Variants in STX16 observed in about 807,000 individuals in gnomAD.
The protein encoded by STX16 is syntaxin 16.
Under a neutral mutation model 42.7 loss-of-function variants are expected in STX16, and 28 were observed. The ratio of observed to expected loss-of-function variants is 0.66; its 90% CI spans 0.49 to 0.90. The LOEUF (loss-of-function observed/expected upper bound fraction) is 0.90, where lower values mean the gene tolerates loss of function less well. Ranked by LOEUF, STX16 falls within the 40% of genes least tolerant of loss-of-function variation. The pLI is 0.00. For synonymous variants in STX16, 156 were observed against 155.2 expected (o/e 1.00, Z -0.04); for missense variants, 361 against 420.9 (o/e 0.86, Z 1.24).
At chr20:58,663,118 A>G (rs1221048097) in intron 2 of STX16, among the ~76,000 whole-genome samples, 1 of 152,186 alleles carries the variant, frequency 6.6e-6, no homozygotes, top group Non-Finnish European at 1.5e-5. Context: ...GTTCATTGCC[A>G]TAGACAGTCC....
intron 2 of STX16, among the ~76,000 whole-genome samples, chr20:58,664,404 T>C (rs1376123967): frequency 6.6e-6 from 1 of 152,234 alleles, no homozygotes; most frequent in Non-Finnish European, 1.5e-5. Context: ...ATAGACTGTA[T>C]CATAAAAGAG....
At chr20:58,664,643 A>G (rs1462336054) in intron 2 of STX16, among the ~76,000 whole-genome samples, 2 of 152,176 alleles carry the variant, frequency 1.3e-5, no homozygotes, top group African/African-American at 2.4e-5. Context: ...CATGCATAAA[A>G]TCAAGTACTG....
chr20:58,669,908 C>G (rs756417237), intron 5 of STX16, among the ~76,000 whole-genome samples: 1 of 152,232 alleles, frequency 6.6e-6, no homozygotes, highest in Admixed American at 6.5e-5. Flanking sequence ...AACACTTCCT[C>G]TGCTGGCACC....
chr20:58,663,921 GC>G (rs1568819761), intron 2 of STX16, among the ~76,000 whole-genome samples: 1 of 152,046 alleles, frequency 6.6e-6, no homozygotes, highest in African/African-American at 2.4e-5. Flanking sequence ...CAGGCAATCC[GC>G]CTGCCTCAGC....
At chr20:58,674,603 C>G (rs910078927) in intron 8 of STX16, among the ~76,000 whole-genome samples, 1 of 152,150 alleles carries the variant, frequency 6.6e-6, no homozygotes, top group African/African-American at 2.4e-5. Flanking sequence ...AAAGTCAGCC[C>G]TTGCACTAGT....
At chr20:58,666,832 T>C (rs369107597) in intron 2 of STX16, among the ~76,000 whole-genome samples, 1 of 152,330 alleles carries the variant, frequency 6.6e-6, no homozygotes, top group Admixed American at 6.5e-5. Flanking sequence ...ATGTTCCCTG[T>C]GGACATTTAA....
chr20:58,660,961 C>T (rs978482973), intron 2 of STX16, among the ~76,000 whole-genome samples: 14 of 151,360 alleles, frequency 9.2e-5, no homozygotes, highest in Non-Finnish European at 2.1e-4. Context: ...CACCACTCAA[C>T]GGGTAGCTGA....
At chr20:58,659,777 A>G (rs2083657064) in intron 2 of STX16, 143 bp downstream of exon 2, 2 of 828,908 alleles carry the variant, frequency 2.4e-6, no homozygotes, top group Non-Finnish European at 3.7e-6. Flanking sequence ...AATTTTTTTA[A>G]CAGTTTAATA....
intron 7 of STX16, among the ~76,000 whole-genome samples, chr20:58,671,863 A>G (rs1053044554): frequency 1.3e-5 from 2 of 152,174 alleles, no homozygotes; most frequent in Non-Finnish European, 2.9e-5. Flanking sequence ...TTGAGTGCCA[A>G]TATGACACTC....
rs114786310 is a variant in STX16, at chr20:58,670,524, G to A, written c.569G>A (p.Arg190Gln). Residue 190 changes from arginine to glutamine, a missense_variant, in exon 6 of 9, where the codon CGA becomes CAA. Arg to Gln is a conservative substitution (Grantham distance 43). Coordinates refer to ENST00000371141, the MANE Select transcript of STX16 (RefSeq NM_001001433.3). Reference sequence around the variant, plus strand: ...CTATCTGTGATAGGCATGAAGAATCGAGAGGAAAGATCCCAGCATTTTTTC... The same window carrying A: ...CTATCTGTGATAGGCATGAAGAATCAAGAGGAAAGATCCCAGCATTTTTTC... ...QSGYLKRMKNREERSQHFFDT... is the reference protein window; with the variant it reads ...QSGYLKRMKNQEERSQHFFDT... The A allele has an allele frequency of 2.5e-3, 4,087 of 1,613,754 alleles. 104 individuals are homozygous for A. The African/African-American group carries it at 0.047, about 19-fold the overall frequency.
chr20:58,675,331 T>C (rs1568831616), intron 8 of STX16, among the ~76,000 whole-genome samples: 1 of 152,222 alleles, frequency 6.6e-6, no homozygotes, highest in East Asian at 1.9e-4. Flanking sequence ...TCCTGTGCCA[T>C]AGCAAGGTCT....
At position 58,669,437 on chromosome 20, in the gene STX16, G is replaced by C. The variant is rs2296524; in HGVS notation, c.540G>C (p.Gln180His). Residue 180 changes from glutamine to histidine, a missense_variant, in exon 5 of 9, where the codon CAG (glutamine) becomes CAC (histidine). Transcript: ENST00000371141. ...QELSTSFRHA[Q>H]SGYLKRMKNR... ...TCTCCACCAGCTTCCGGCACGCACA[G>C]TCAGGCTACCTCAAACGTGAGTGCT... 12 of 1,609,764 alleles carry C rather than the reference G, an allele frequency of 7.5e-6. No individual in the cohort carries two copies. Among genetic ancestry groups the C allele is most frequent in the Non-Finnish European group, 1.0e-5 (12 of 1,178,670 alleles).
At position 58,651,886 on chromosome 20, in the gene STX16, A is replaced by T; in HGVS notation, c.-121A>T. ...CTGCATCTTTTTGGCTTGAGGCCTG[A>T]GGCCTTGTCGAGAAGCTTCCGTGAA... On this transcript the variant is annotated 5_prime_UTR_variant, in exon 1 of 9. Transcript: ENST00000371141. The T allele has an allele frequency of 9.2e-7, 1 of 1,086,074 alleles. No individual in the cohort carries two copies. Among genetic ancestry groups the T allele is most frequent in the Non-Finnish European group, 1.4e-6 (1 of 737,890 alleles). The allele number at this position is 1,086,074 out of a possible 1,614,324, so 67.3% of individuals were successfully genotyped here. A position where few individuals can be genotyped will look rare whatever the true frequency, so the allele number is the denominator to read the frequency against.
intron 1 of STX16, among the ~76,000 whole-genome samples, chr20:58,654,334 AAC>A (rs1398115614): frequency 2.0e-5 from 3 of 152,218 alleles, no homozygotes; most frequent in Non-Finnish European, 2.9e-5. Flanking sequence ...TTAAAAATAA[AAC>A]ACAGATTTAT....
chr20:58,661,733 G>A (rs999674637), intron 2 of STX16, among the ~76,000 whole-genome samples: 2 of 152,248 alleles, frequency 1.3e-5, no homozygotes, highest in African/African-American at 4.8e-5. Context: ...GGAGCAGGGG[G>A]TGTGGTTGGG....
chr20:58,667,870 C>A, intron 3 of STX16, 117 bp from the exon 4 acceptor site: 2 of 1,355,070 alleles, frequency 1.5e-6, no homozygotes, highest in Non-Finnish European at 2.0e-6. Context: ...AAGCTGCTCA[C>A]ACATCAGCAA....
Position 58,669,296 on chromosome 20 carries a change from C to T in STX16, c.399C>T (p.Phe133=), listed in dbSNP as rs1329972134. 1 of 1,610,742 alleles carries T rather than the reference C, an allele frequency of 6.2e-7. No individual in the cohort carries two copies. The highest frequency in any genetic ancestry group is 1.1e-5 in the South Asian group (1 of 90,988). ...EITTQEITQL[F]HRCQRAVQAL... ...CCTCGGGCTTGTTCTCTTAGCTCTT[C>T]CACAGGTGCCAGCGTGCCGTGCAGG... The change falls in exon 5 of 9, where the codon TTC becomes TTT. Residue 133 remains phenylalanine, a synonymous_variant. Coordinates refer to ENST00000371141, the MANE Select transcript of STX16 (RefSeq NM_001001433.3).
At chr20:58,676,140 G>C (rs771920565) in intron 8 of STX16, 47 bp from the exon 9 acceptor site, 1 of 1,530,982 alleles carries the variant, frequency 6.5e-7, no homozygotes, top group South Asian at 1.1e-5. Flanking sequence ...GACTTGATTT[G>C]GGATTTTGGG....
chr20:58,666,392 T>TGATTTCC (rs1276925179), intron 2 of STX16, among the ~76,000 whole-genome samples: 1 of 150,966 alleles, frequency 6.6e-6, no homozygotes, highest in Non-Finnish European at 1.5e-5. Context: ...GCCAAACCCA[T>TGATTTCC]GATTTCCCTC....
Sources: gnomAD v4.1 joint callset for allele counts (sites outside exome capture counted in the v4.1 genomes callset) on GRCh38, gnomAD v4.1.1 for gene constraint, MANE v1.5 for transcripts, NCBI Gene and HGNC (gene_info 2026-07-23, HGNC 2026-07-21) for gene names.